Variants in BICDL1 observed in about 807,000 individuals in gnomAD.
BICDL1 encodes the protein BICD family like cargo adaptor 1.
Under a neutral mutation model 76.8 loss-of-function variants are expected in BICDL1, and 20 were observed. The ratio of observed to expected loss-of-function variants is 0.26; its 90% CI spans 0.18 to 0.38. BICDL1 has a LOEUF of 0.38. BICDL1 is among the 10% of genes least tolerant of loss of function. The pLI is 1.00. For synonymous variants in BICDL1, 383 were observed against 337.1 expected (o/e 1.14, Z -1.49); for missense variants, 700 against 798.6 (o/e 0.88, Z 1.49).
chr12:119,994,195 C>G (rs1035830588), intron 1 of BICDL1, among the ~76,000 whole-genome samples: 1 of 152,092 alleles, frequency 6.6e-6, no homozygotes, highest in South Asian at 2.1e-4. Flanking sequence ...CCAGGCCAGG[C>G]CAATTCTCAT....
chr12:120,081,859 T>C (rs1874018505), intron 8 of BICDL1, among the ~76,000 whole-genome samples: 2 of 150,586 alleles, frequency 1.3e-5, no homozygotes, highest in Non-Finnish European at 3.0e-5. Context: ...CCTGTTGGAT[T>C]ATGTTAAATC....
At chr12:120,087,162 G>A (rs1238494536) in intron 8 of BICDL1, among the ~76,000 whole-genome samples, 1 of 152,244 alleles carries the variant, frequency 6.6e-6, no homozygotes, top group Non-Finnish European at 1.5e-5. Flanking sequence ...AACCGATGCC[G>A]CGTGAGGATT....
chr12:120,090,219 C>T, intron 9 of BICDL1, 148 bp downstream of exon 9: 1 of 873,362 alleles, frequency 1.1e-6, no homozygotes, highest in Non-Finnish European at 1.7e-6. Context: ...AGATCCAGAG[C>T]TCATGTCCCC....
Position 119,990,007 on chromosome 12 carries a change from G to A in BICDL1, c.139G>A (p.Gly47Arg). The A allele has an allele frequency of 1.3e-6, 2 of 1,486,898 alleles. No individual in the cohort carries two copies. Among genetic ancestry groups the A allele is most frequent in the East Asian group, 2.6e-5 (1 of 38,710 alleles). The allele number at this position is 1,486,898 out of a possible 1,614,324, so 92.1% of individuals were successfully genotyped here. A position where few individuals can be genotyped will look rare whatever the true frequency, so the allele number is the denominator to read the frequency against. Residue 47 changes from glycine to arginine, a missense_variant, in exon 1 of 10, where the codon GGG becomes AGG. Around this residue, in one of 3 missense-constraint regions of BICDL1, gnomAD observed 225 missense variants for 199.6 expected, o/e 1.13. Coordinates refer to ENST00000548673, the MANE Select transcript of BICDL1 (RefSeq NM_001367886.1). ...PAAAAALIFP[G>R]GSGELELALE... The stretch of plus-strand genomic sequence containing the variant: ...CGCCGCCGCCGCCCTCATCTTCCCC[G>A]GGGGCTCCGGGGAGCTAGAACTGGC...
intron 3 of BICDL1, 36 bp downstream of exon 3, chr12:120,061,862 G>A (rs1953112964): frequency 6.6e-7 from 1 of 1,506,460 alleles, no homozygotes; most frequent in Non-Finnish European, 9.2e-7. Flanking sequence ...GGAAGGTGGA[G>A]TGCTTTTCTC....
intron 2 of BICDL1, among the ~76,000 whole-genome samples, chr12:120,032,219 AG>A (rs1486042170): frequency 1.3e-5 from 2 of 152,272 alleles, no homozygotes; most frequent in Non-Finnish European, 2.9e-5. Flanking sequence ...AAATGAGTCC[AG>A]AATAAGTTGG....
At chr12:120,086,484 G>C (rs1219693945) in intron 8 of BICDL1, among the ~76,000 whole-genome samples, 1 of 152,208 alleles carries the variant, frequency 6.6e-6, no homozygotes, top group Non-Finnish European at 1.5e-5. Context: ...TTGAAATCAC[G>C]GGGTGGGGTC....
intron 2 of BICDL1, among the ~76,000 whole-genome samples, chr12:120,020,824 GGGACAACCA>G (rs1952164021): frequency 1.3e-5 from 2 of 152,300 alleles, no homozygotes; most frequent in South Asian, 4.2e-4. Flanking sequence ...ATGAATGGTG[GGGACAACCA>G]GGCAGTATGA....
At chr12:120,009,583 A>T (rs1161557725) in intron 2 of BICDL1, among the ~76,000 whole-genome samples, 2 of 152,148 alleles carry the variant, frequency 1.3e-5, no homozygotes, top group East Asian at 3.9e-4. Flanking sequence ...ATTGTGTAGG[A>T]GAGATAAAAA....
chr12:119,996,521 C>A (rs1052964156), intron 1 of BICDL1, among the ~76,000 whole-genome samples: 6 of 152,164 alleles, frequency 3.9e-5, no homozygotes, highest in Non-Finnish European at 8.8e-5. Context: ...GTGAGAACTT[C>A]AGGTGAATAA....
chr12:120,000,793 C>T (rs1951743991), intron 2 of BICDL1, among the ~76,000 whole-genome samples: 2 of 152,124 alleles, frequency 1.3e-5, no homozygotes, highest in South Asian at 4.1e-4. Context: ...GCCTCAGTTT[C>T]CTTTTCTTTA....
At chr12:120,057,889 G>A (rs1340041501) in intron 2 of BICDL1, among the ~76,000 whole-genome samples, 1 of 145,744 alleles carries the variant, frequency 6.9e-6, no homozygotes, top group Admixed American at 7.2e-5. Flanking sequence ...GGAGTGCAGT[G>A]GCGCGATCTC....
intron 2 of BICDL1, among the ~76,000 whole-genome samples, chr12:120,046,235 A>G (rs577704978): frequency 6.6e-6 from 1 of 152,270 alleles, no homozygotes; most frequent in South Asian, 2.1e-4. Context: ...TCCATCCTCC[A>G]TCAGTCCCTG....
At chr12:120,062,637 T>C (rs1953130150) in intron 3 of BICDL1, among the ~76,000 whole-genome samples, 1 of 152,210 alleles carries the variant, frequency 6.6e-6, no homozygotes, top group Non-Finnish European at 1.5e-5. Context: ...GTTGCCCTGC[T>C]CGGTAAATGA....
At chr12:120,092,143 T>G (rs1875027171) in intron 9 of BICDL1, 24 of 985,418 alleles carry the variant, frequency 2.4e-5, no homozygotes, top group Non-Finnish European at 2.8e-5. Flanking sequence ...GCAGAACTTT[T>G]GTCAAATGGA....
At chr12:120,041,792 G>C (rs914276884) in intron 2 of BICDL1, among the ~76,000 whole-genome samples, 1 of 152,156 alleles carries the variant, frequency 6.6e-6, no homozygotes, top group Non-Finnish European at 1.5e-5. Flanking sequence ...CTGCTCAGCA[G>C]GTCTGAGGGC....
intron 9 of BICDL1, chr12:120,091,631 G>C: frequency 1.0e-6 from 1 of 985,128 alleles, no homozygotes; most frequent in Non-Finnish European, 1.2e-6. Flanking sequence ...GGAATGAGCT[G>C]AGTCTGAAAG....
chr12:120,052,247 C>T lies in BICDL1; in HGVS notation c.646-9463C>T, dbSNP rs112162537. ...ATGCCTTGTTTTTCTTTCCCCTCCC[C>T]GCCCCTCCCCTCCCCTTCTCTCTCT... On this transcript the variant is annotated intron_variant, in intron 2 of 9. Coordinates refer to ENST00000548673, the MANE Select transcript of BICDL1 (RefSeq NM_001367886.1). Among the ~76,000 whole-genome samples, 1,173 of 150,238 alleles carry T rather than the reference C, an allele frequency of 7.8e-3. 17 individuals carry two copies. Among genetic ancestry groups the T allele is most frequent in the South Asian group, 0.054 (254 of 4,668 alleles).
rs111717127 is a variant in BICDL1 at position 120,082,355 on chromosome 12, C to A, written c.1583+1338C>A. 5.4e-3 allele frequency among the ~76,000 whole-genome samples: 811 copies of A among 150,808 alleles called. 8 individuals carry two copies. The highest frequency in any genetic ancestry group is 0.019 in the African/African-American group (772 of 41,002). On this transcript the variant is annotated intron_variant, in intron 8 of 9. Coordinates refer to ENST00000548673, the MANE Select transcript of BICDL1 (RefSeq NM_001367886.1). ...GCAACCTCCCCATCATGGTCTTGAG[C>A]GATCCTCCCACCTCAGCCTCCCGAG...
Sources: allele counts gnomAD v4.1 joint callset (sites outside exome capture counted in the v4.1 genomes callset), GRCh38; gene constraint gnomAD v4.1.1; regional missense constraint gnomAD v4.1.1; transcripts MANE v1.5; gene names NCBI Gene and HGNC (gene_info 2026-07-23, HGNC 2026-07-21).